GABRG2: variants seen among roughly 807,000 people sequenced by gnomAD.
GABRG2 encodes gamma-aminobutyric acid receptor subunit gamma-2.
In GABRG2, 16 loss-of-function variants were observed where a neutral mutation model predicts 56.4. The observed-to-expected ratio is 0.28, with a 90% CI of 0.19 to 0.43. GABRG2 has a LOEUF of 0.43. Among genes scored for constraint, GABRG2 ranks in the 20% least tolerant of loss-of-function variants. The probability of loss-of-function intolerance (pLI) is 1.00; values close to 1 mark genes in which losing one functional copy is unlikely to be tolerated. For missense variants in GABRG2, 327 were observed against 582.7 expected (o/e 0.56, Z 4.52); for synonymous variants, 208 against 205.5 (o/e 1.01, Z -0.10).
intron 1 of GABRG2, among the ~76,000 whole-genome samples, chr5:162,084,169 T>C (rs1374822466): frequency 6.6e-6 from 1 of 151,788 alleles, no homozygotes; most frequent in African/African-American, 2.4e-5. Context: ...CTCAGTATAA[T>C]TAGATATGCT....
At chr5:162,089,106 G>T (rs559953912) in intron 1 of GABRG2, among the ~76,000 whole-genome samples, 1 of 152,076 alleles carries the variant, frequency 6.6e-6, no homozygotes. Context: ...GTCAGAAATG[G>T]TCTCTACGAT....
At chr5:162,075,795 G>T (rs1032818957) in intron 1 of GABRG2, among the ~76,000 whole-genome samples, 3 of 151,960 alleles carry the variant, frequency 2.0e-5, no homozygotes, top group Non-Finnish European at 4.4e-5. Context: ...CGTTTCCACA[G>T]CATAGTATAC....
At position 162,101,349 on chromosome 5, in the gene GABRG2, C is replaced by T. The variant is rs529462959; in HGVS notation, c.631+32C>T. 5.9e-6 allele frequency: 8 copies of T among 1,348,318 alleles called. No homozygotes were observed. The South Asian group carries it at 8.2e-5, about 14-fold the overall frequency. 83.5% of individuals were successfully genotyped at this position (1,348,318 alleles called of 1,614,324 possible). On this transcript the variant is annotated intron_variant, in intron 5 of 9. Transcript: ENST00000639213. ...AATATTCCTTCTCCATTTGTATCCT[C>T]CCTCACCTACAGTCTTTCTGATTGC...
At position 162,127,232 on chromosome 5, in the gene GABRG2, A is replaced by G. The variant is rs572407456; in HGVS notation, c.770-14932A>G. 4.6e-5 allele frequency among the ~76,000 whole-genome samples: 7 copies of G among 152,156 alleles called. No individual in the cohort carries two copies. In the South Asian group the frequency reaches 1.0e-3, roughly 23 times the overall value. Reference sequence around the variant, plus strand: ...AGTGGAAAACCTATGTGTTTTGAATATAAATGTAGTTTTTTTCATGAAAAT... The same window carrying G: ...AGTGGAAAACCTATGTGTTTTGAATGTAAATGTAGTTTTTTTCATGAAAAT... On this transcript the variant is annotated intron_variant, in intron 6 of 9. Transcript: ENST00000639213.
intron 6 of GABRG2, among the ~76,000 whole-genome samples, chr5:162,139,334 G>C (rs533946370): frequency 1.3e-5 from 2 of 151,898 alleles, no homozygotes; most frequent in African/African-American, 2.4e-5. Flanking sequence ...AAGGGGATTT[G>C]ATTTTATAGG....
At chr5:162,088,160 G>A (rs1409102942) in intron 1 of GABRG2, among the ~76,000 whole-genome samples, 4 of 152,010 alleles carry the variant, frequency 2.6e-5, no homozygotes, top group Admixed American at 6.6e-5. Context: ...AGCAACTAGC[G>A]CCCCAATGGC....
chr5:162,098,030 T>G (rs2113329668), intron 4 of GABRG2, 172 bp downstream of exon 4: 1 of 619,022 alleles, frequency 1.6e-6, no homozygotes, highest in Non-Finnish European at 2.8e-6. Context: ...TTTTTCTTTT[T>G]GTTATCAATG....
At chr5:162,119,721 C>A (rs192433408) in intron 6 of GABRG2, among the ~76,000 whole-genome samples, 9 of 152,098 alleles carry the variant, frequency 5.9e-5, no homozygotes, top group Admixed American at 2.0e-4. Flanking sequence ...TTTACTACAA[C>A]GGAGCACATC....
At chr5:162,132,871 A>C (rs960516930) in intron 6 of GABRG2, among the ~76,000 whole-genome samples, 6 of 152,182 alleles carry the variant, frequency 3.9e-5, no homozygotes, top group African/African-American at 1.4e-4. Context: ...ACCATACTCT[A>C]TACAAACATT....
At chr5:162,141,756 G>A (rs1354905348) in intron 6 of GABRG2, among the ~76,000 whole-genome samples, 1 of 152,106 alleles carries the variant, frequency 6.6e-6, no homozygotes, top group Non-Finnish European at 1.5e-5. Context: ...TAAAGATTTT[G>A]TCCTAAGAAA....
chr5:162,072,553 A>T (rs1758757865), intron 1 of GABRG2, among the ~76,000 whole-genome samples: 1 of 152,086 alleles, frequency 6.6e-6, no homozygotes, highest in Admixed American at 6.6e-5. Flanking sequence ...GACATGCAGA[A>T]GACAATGCGT....
intron 6 of GABRG2, among the ~76,000 whole-genome samples, chr5:162,139,129 C>G (rs928573315): frequency 6.6e-6 from 1 of 152,174 alleles, no homozygotes; most frequent in Non-Finnish European, 1.5e-5. Context: ...GCTCTTCAAT[C>G]ATAGCCTTCA....
chr5:162,129,606 A>AT (rs1763580228), intron 6 of GABRG2, among the ~76,000 whole-genome samples: 3 of 151,866 alleles, frequency 2.0e-5, no homozygotes, highest in Non-Finnish European at 2.9e-5. Flanking sequence ...ACAGATGATA[A>AT]TTTTTTCCAT....
At chr5:162,086,581 T>G (rs1332542457) in intron 1 of GABRG2, among the ~76,000 whole-genome samples, 1 of 152,004 alleles carries the variant, frequency 6.6e-6, no homozygotes, top group Non-Finnish European at 1.5e-5. Flanking sequence ...GAAAACGTCT[T>G]CTTTCTTTCC....
In GABRG2 at chr5:162,142,166, G is replaced by A; in HGVS notation, c.772G>A (p.Asp258Asn). The A allele has an allele frequency of 6.2e-7, 1 of 1,614,018 alleles. No individual in the cohort carries two copies. Among genetic ancestry groups the A allele is most frequent in the South Asian group, 1.1e-5 (1 of 91,072 alleles). ...TTEVVKTTSGDYVVMSVYFDL... is the reference protein window; with the variant it reads ...TTEVVKTTSGNYVVMSVYFDL... Reference sequence around the variant, plus strand: ...GTGTTATCTTTGGTCTGTTCCAGGAGATTATGTGGTCATGTCTGTCTACTT... The same window carrying A: ...GTGTTATCTTTGGTCTGTTCCAGGAAATTATGTGGTCATGTCTGTCTACTT... The change falls in exon 7 of 10, where the codon GAT becomes AAT. Residue 258 changes from aspartate (D) to asparagine (N), a missense_variant and splice_region_variant. This residue lies in a region of GABRG2 where 42 missense variants were observed against 156.9 expected (regional missense o/e 0.27). Transcript: ENST00000639213.
chr5:162,102,559 C>T lies in GABRG2; in HGVS notation c.631+1242C>T, dbSNP rs999308625. 85 of 454,052 alleles carry T rather than the reference C, an allele frequency of 1.9e-4. 1 individual carries two copies. The highest frequency in any genetic ancestry group is 1.8e-3 in the Admixed American group (78 of 42,526). 28.1% of individuals were successfully genotyped at this position (454,052 alleles called of 1,614,324 possible). On this transcript the variant is annotated intron_variant, in intron 5 of 9. Transcript: ENST00000639213. ...TTTTGTTTTGTTTTGGACAGGGTCT[C>T]GTTCTATTGCCCAGGCTGGAATGTG...
chr5:162,147,156 C>T (rs571528033), intron 7 of GABRG2, among the ~76,000 whole-genome samples: 1 of 152,244 alleles, frequency 6.6e-6, no homozygotes, highest in East Asian at 1.9e-4. Context: ...CAGTATCTTC[C>T]TCTTCTCTTG....
intron 9 of GABRG2, chr5:162,152,071 A>T (rs1765414504): frequency 7.1e-6 from 2 of 281,960 alleles, no homozygotes; most frequent in Admixed American, 9.8e-5. Flanking sequence ...ACTGATTACG[A>T]CTACCAAGTT....
At chr5:162,101,156 C>G in intron 4 of GABRG2, 79 bp from the exon 5 acceptor site, 1 of 961,658 alleles carries the variant, frequency 1.0e-6, no homozygotes, top group Non-Finnish European at 1.7e-6. Flanking sequence ...TCTAGAAAAA[C>G]AATCATTTAA....
Sources: allele counts gnomAD v4.1 joint callset (sites outside exome capture counted in the v4.1 genomes callset), GRCh38; gene constraint gnomAD v4.1.1; regional missense constraint gnomAD v4.1.1; transcripts MANE v1.5; gene names NCBI Gene and HGNC (gene_info 2026-07-23, HGNC 2026-07-21).